GPR141: variants seen among roughly 807,000 people sequenced by gnomAD.
GPR141 encodes the protein probable G protein-coupled receptor 141.
In GPR141, 6 loss-of-function variants were observed where a neutral mutation model predicts 6.8. That is an observed-to-expected ratio of 0.88 (90% CI 0.48 to 1.74). The LOEUF (loss-of-function observed/expected upper bound fraction) is 1.74. GPR141 is among the 40% of genes most tolerant of loss of function. The pLI, the probability that GPR141 is intolerant of heterozygous loss-of-function variation, is 0.01. For missense variants in GPR141, 372 were observed against 372.9 expected, an observed-to-expected ratio of 1.00 and a Z score of 0.02; for synonymous variants, 140 against 142.3, an observed-to-expected ratio of 0.98 and a Z score of 0.11.
At chr7:37,703,866 A>G (rs1230309246) in intron 2 of GPR141, among the ~76,000 whole-genome samples, 1 of 152,014 alleles carries the variant, frequency 6.6e-6, no homozygotes, top group Non-Finnish European at 1.5e-5. Context: ...TGGTTCTATT[A>G]GTATATTTTT....
intron 2 of GPR141, among the ~76,000 whole-genome samples, chr7:37,705,339 TA>T (rs1810480202): frequency 2.0e-5 from 3 of 152,216 alleles, no homozygotes; most frequent in African/African-American, 7.2e-5. Context: ...TGGTAAAACC[TA>T]TATCACTGAT....
At chr7:37,725,145 C>T (rs1432123064) in intron 2 of GPR141, among the ~76,000 whole-genome samples, 3 of 152,122 alleles carry the variant, frequency 2.0e-5, no homozygotes, top group African/African-American at 4.8e-5. Flanking sequence ...GACACCATGA[C>T]CACTCTCATG....
chr7:37,727,999 C>T (rs1411584936), intron 2 of GPR141, among the ~76,000 whole-genome samples: 1 of 152,192 alleles, frequency 6.6e-6, no homozygotes. Flanking sequence ...ATTGGTAATT[C>T]CCCGAATGTG....
intron 2 of GPR141, among the ~76,000 whole-genome samples, chr7:37,724,905 T>G (rs1289018346): frequency 2.0e-5 from 3 of 152,094 alleles, no homozygotes; most frequent in Non-Finnish European, 4.4e-5. Flanking sequence ...GGAGTCTGCC[T>G]TTAGTAGTGC....
Position 37,743,723 on chromosome 7 carries a change from ATATAT to A in GPR141, c.*2417_*2421del, listed in dbSNP as rs1812680022. 6.6e-6 allele frequency among the ~76,000 whole-genome samples: 1 copy of A among 152,142 alleles called. No individual in the cohort carries two copies. Among genetic ancestry groups the A allele is most frequent in the South Asian group, 2.1e-4 (1 of 4,832 alleles). On this transcript the variant is annotated 3_prime_UTR_variant, in exon 3 of 3. Coordinates refer to ENST00000334425, the MANE Select transcript of GPR141 (RefSeq NM_001381946.1). ...GTTAACATAACACTATGTTATTTTC[ATATAT>A]TATAATAACAGGCTTATTAGAAATG...
chr7:37,740,714 G>T lies in GPR141; in HGVS notation c.321G>T (p.Val107=), dbSNP rs1212778961. Residue 107 remains valine (V), a synonymous_variant, in exon 3 of 3, where the codon GTG becomes GTT. Transcript: ENST00000334425. ...IHMYLTFLFY[V]VILVTRYLIF... is the part of the protein sequence containing the mutation. ...TGTACCTCACGTTCCTATTCTATGTGGTGATCCTGGTCACCAGATACCTCA... is the reference window on the plus strand; with the variant it reads ...TGTACCTCACGTTCCTATTCTATGTTGTGATCCTGGTCACCAGATACCTCA... The T allele has an allele frequency of 6.2e-7, 1 of 1,613,912 alleles. No individual in the cohort carries two copies. The highest frequency in any genetic ancestry group is 8.5e-7 in the Non-Finnish European group (1 of 1,179,974).
chr7:37,741,794 C>A lies in GPR141; in HGVS notation c.*483C>A, dbSNP rs560943915. On this transcript the variant is annotated 3_prime_UTR_variant, in exon 3 of 3. Coordinates refer to ENST00000334425, the MANE Select transcript of GPR141 (RefSeq NM_001381946.1). ...GGTTAGATGTCCCATTCATCTCATGCCCTGATAAAAACTGATAAGGGGAGA... is the reference window on the plus strand; with the variant it reads ...GGTTAGATGTCCCATTCATCTCATGACCTGATAAAAACTGATAAGGGGAGA... 2.0e-5 allele frequency among the ~76,000 whole-genome samples: 3 copies of A among 152,166 alleles called. No homozygotes were observed. In the South Asian group the frequency reaches 6.2e-4, roughly 32 times the overall value.
intron 2 of GPR141, among the ~76,000 whole-genome samples, chr7:37,710,472 A>C (rs941613021): frequency 6.6e-6 from 1 of 152,214 alleles, no homozygotes; most frequent in Non-Finnish European, 1.5e-5. Context: ...ATATCTCTAC[A>C]AGATGGTTTT....
chr7:37,685,181 A>G (rs1809441831), intron 1 of GPR141: 1 of 152,250 alleles, frequency 6.6e-6, no homozygotes, highest in Non-Finnish European at 1.5e-5. Context: ...TCTTCTAGCA[A>G]TGATTTTCAA....
At chr7:37,736,907 G>A (rs186063592) in intron 2 of GPR141, among the ~76,000 whole-genome samples, 21 of 152,230 alleles carry the variant, frequency 1.4e-4, no homozygotes, top group African/African-American at 4.8e-4. Context: ...TAAATGACTA[G>A]GGATTGAATG....
At chr7:37,686,722 G>A (rs773613621) in intron 2 of GPR141, among the ~76,000 whole-genome samples, 1 of 152,138 alleles carries the variant, frequency 6.6e-6, no homozygotes, top group African/African-American at 2.4e-5. Context: ...TAGTTGCTAA[G>A]TCCAAAGATG....
At chr7:37,739,716 G>A (rs1397958891) in intron 2 of GPR141, among the ~76,000 whole-genome samples, 2 of 152,162 alleles carry the variant, frequency 1.3e-5, no homozygotes, top group Admixed American at 6.5e-5. Context: ...AGGCCTTTGA[G>A]AGTAGGAGAT....
At chr7:37,693,934 A>T (rs763521100) in intron 2 of GPR141, among the ~76,000 whole-genome samples, 4 of 151,874 alleles carry the variant, frequency 2.6e-5, no homozygotes, top group African/African-American at 4.8e-5. Flanking sequence ...CCAAGGGGCA[A>T]TGAGCCACTT....
At chr7:37,691,733 T>C (rs1025169098) in intron 2 of GPR141, among the ~76,000 whole-genome samples, 4 of 152,214 alleles carry the variant, frequency 2.6e-5, no homozygotes, top group Admixed American at 6.5e-5. Flanking sequence ...TCTTAGTTTT[T>C]CTTTGTCTGG....
At chr7:37,740,279 A>G (rs1474439088) in intron 2 of GPR141, 101 bp from the exon 3 acceptor site, 3 of 728,434 alleles carry the variant, frequency 4.1e-6, no homozygotes, top group African/African-American at 3.5e-5. Context: ...TTTATATCAT[A>G]TAAGCACATA....
chr7:37,714,875 T>G (rs540181764), intron 2 of GPR141, among the ~76,000 whole-genome samples: 2 of 152,348 alleles, frequency 1.3e-5, no homozygotes, highest in African/African-American at 4.8e-5. Flanking sequence ...TCTCAAGCAT[T>G]AGGAGTTTCA....
At chr7:37,733,233 G>T (rs916293982) in intron 2 of GPR141, among the ~76,000 whole-genome samples, 5 of 152,152 alleles carry the variant, frequency 3.3e-5, no homozygotes, top group African/African-American at 1.2e-4. Flanking sequence ...ATACAGCCTG[G>T]CAAGGAATGT....
At chr7:37,723,862 T>G (rs372141028) in intron 2 of GPR141, among the ~76,000 whole-genome samples, 9 of 152,210 alleles carry the variant, frequency 5.9e-5, no homozygotes, top group African/African-American at 1.4e-4. Context: ...TCCTGGACAA[T>G]GAAAGATTTC....
chr7:37,715,290 T>C (rs1810993007), intron 2 of GPR141, among the ~76,000 whole-genome samples: 2 of 152,154 alleles, frequency 1.3e-5, no homozygotes. Flanking sequence ...CGTGTCTAAT[T>C]CTTGTTTACA....
Sources: gnomAD v4.1 joint callset for allele counts (sites outside exome capture counted in the v4.1 genomes callset) on GRCh38, gnomAD v4.1.1 for gene constraint, MANE v1.5 for transcripts, NCBI Gene and HGNC (gene_info 2026-07-23, HGNC 2026-07-21) for gene names.